Variants in FBXL16 observed in about 807,000 individuals in gnomAD.
FBXL16 encodes F-box/LRR-repeat protein 16.
FBXL16 carries 7 observed loss-of-function variants against 36.7 expected under a neutral mutation model. That is an observed-to-expected ratio of 0.19 (90% confidence interval 0.11 to 0.36). The LOEUF is 0.36. FBXL16 is among the 10% of genes least tolerant of loss of function. The probability of loss-of-function intolerance (pLI) is 1.00; values close to 1 mark genes in which losing one functional copy is unlikely to be tolerated. For synonymous variants in FBXL16, 355 were observed against 308.7 expected, an observed-to-expected ratio of 1.15 and a Z score of -1.57; for missense variants, 463 against 659.4, an observed-to-expected ratio of 0.70 and a Z score of 3.26.
chr16:694,666 G>C lies in FBXL16; in HGVS notation c.1259C>G (p.Ala420Gly), dbSNP rs1201039382. Residue 420 changes from alanine to glycine, a missense_variant, in exon 5 of 6, where the codon GCC (alanine) becomes GGC (glycine). Ala to Gly is a moderately conservative substitution (Grantham distance 60, BLOSUM62 0). This residue lies in a region of FBXL16 where 134 missense variants were observed against 172.0 expected (regional missense o/e 0.78). Coordinates refer to ENST00000397621, the MANE Select transcript of FBXL16 (RefSeq NM_153350.4). ...VQDFGLKHLL[A>G]LGSLRLLSLA... ...AGACAGGAGGCGCAAACTCCCCAGG[G>C]CCAGGAGGTGCTTCAGCCCGAAGTC... The C allele has an allele frequency of 6.2e-7, 1 of 1,609,796 alleles. No individual in the cohort carries two copies. The highest frequency in any genetic ancestry group is 1.7e-5 in the Admixed American group (1 of 59,626).
chr16:705,172 C>T (rs2040082830), intron 1 of FBXL16, among the ~76,000 whole-genome samples: 1 of 152,200 alleles, frequency 6.6e-6, no homozygotes, highest in African/African-American at 2.4e-5. Flanking sequence ...CCGGGGGCGC[C>T]CTCTGAGCCG....
In FBXL16 at chr16:695,734, G is replaced by T; in HGVS notation, c.823C>A (p.Leu275Met). Residue 275 changes from leucine to methionine, a missense_variant, in exon 3 of 6, where the codon CTG becomes ATG. By Grantham distance (15) the Leu-to-Met change is conservative. Around this residue, in one of 3 missense-constraint regions of FBXL16, gnomAD observed 66 missense variants for 146.3 expected, o/e 0.45. Coordinates refer to ENST00000397621, the MANE Select transcript of FBXL16 (RefSeq NM_153350.4). ...GTGTCCGTCACGTGGTAGGCCTGCA[G>T]GCTCAGCTCCGCCAGGTTGGGCAGC... The part of the protein sequence containing the change: ...QLLPNLAELS[L>M]QAYHVTDTAL... 1 of 1,603,268 alleles carries T rather than the reference G, an allele frequency of 6.2e-7. No individual in the cohort carries two copies.
intron 1 of FBXL16, among the ~76,000 whole-genome samples, chr16:702,348 C>T (rs566563483): frequency 3.2e-4 from 49 of 152,276 alleles, no homozygotes; most frequent in African/African-American, 1.0e-3. Flanking sequence ...GGTGCGAGGT[C>T]GCCCCTGCCT....
In FBXL16 at chr16:697,126, G is replaced by T. The variant is rs563131988; in HGVS notation, c.280C>A (p.Pro94Thr). Residue 94 changes from proline (P) to threonine (T), a missense_variant, in exon 2 of 6, where the codon CCG becomes ACG. Around this residue, in one of 3 missense-constraint regions of FBXL16, gnomAD observed 263 missense variants for 341.1 expected, o/e 0.77. Transcript: ENST00000397621. The surrounding 1 kb of genome is among the most constrained non-coding windows in gnomAD (Gnocchi z 4.6). The part of the protein sequence containing the change: ...LAPGHPAERP[P>T]LATDEKILNG... ...AGGATCTTCTCGTCCGTGGCCAGCG[G>T]CGGCCGCTCCGCTGGGTGCCCAGGT... 8.1e-6 allele frequency: 13 copies of T among 1,605,450 alleles called. No homozygotes were observed. In the South Asian group the frequency reaches 1.3e-4, roughly 16 times the overall value.
In FBXL16 at chr16:695,470, C is replaced by T. The variant is rs1276501707; in HGVS notation, c.1087G>A (p.Ala363Thr). 1.3e-6 allele frequency: 2 copies of T among 1,576,302 alleles called. No homozygotes were observed. The highest frequency in any genetic ancestry group is 1.7e-6 in the Non-Finnish European group (2 of 1,168,352). ...AGGTCGCAGGCCACGTACTCCAGCG[C>T]CATGTCGGTGATGCGTGGGCACCAC... ...LSWCPRITDMALEYVACDLHR... is the reference protein window; with the variant it reads ...LSWCPRITDMTLEYVACDLHR... Residue 363 changes from alanine to threonine, a missense_variant, in exon 3 of 6, where the codon GCG becomes ACG. Ala to Thr is a moderately conservative substitution (Grantham distance 58, BLOSUM62 0). This residue lies in a region of FBXL16 where 134 missense variants were observed against 172.0 expected (regional missense o/e 0.78). Coordinates refer to ENST00000397621, the MANE Select transcript of FBXL16 (RefSeq NM_153350.4).
chr16:694,422 G>C lies in FBXL16; in HGVS notation c.1293C>G (p.Gly431=), dbSNP rs778633356. Reference sequence around the variant, plus strand: ...GCCCGGTGGTGGTGAGCAGCGGGCAGCCTGCGGCGGGGTCAGAGGGCGGCT... The same window carrying C: ...GCCCGGTGGTGGTGAGCAGCGGGCACCCTGCGGCGGGGTCAGAGGGCGGCT... ...LGSLRLLSLA[G]CPLLTTTGLS... Residue 431 remains glycine, a splice_region_variant and synonymous_variant, in exon 6 of 6, where the codon GGC becomes GGG. Coordinates refer to ENST00000397621, the MANE Select transcript of FBXL16 (RefSeq NM_153350.4). The C allele has an allele frequency of 8.4e-6, 13 of 1,546,224 alleles. No homozygotes were observed. The highest frequency in any genetic ancestry group is 1.1e-5 in the Non-Finnish European group (13 of 1,154,886).
intron 1 of FBXL16, among the ~76,000 whole-genome samples, chr16:702,370 AC>A (rs1024457590): frequency 2.7e-5 from 4 of 150,772 alleles, no homozygotes; most frequent in African/African-American, 9.8e-5. Context: ...CTGCTCCGGG[AC>A]CCCCAGCTCT....
chr16:697,999 C>CA lies in FBXL16; in HGVS notation c.-14-581dup, dbSNP rs75619896. ...TGGGCAACTGAGCAAGACTCTGTCT[C>CA]AAAAAAAAAAAAAAGAAACAGTTTC... On this transcript the variant is annotated intron_variant, in intron 1 of 5. Transcript: ENST00000397621. The surrounding 1 kb of genome is among the most constrained non-coding windows in gnomAD (Gnocchi z 4.6). Among the ~76,000 whole-genome samples, 2,546 of 133,258 alleles carry CA rather than the reference C, an allele frequency of 0.019. 50 individuals carry two copies. Among genetic ancestry groups the CA allele is most frequent in the African/African-American group, 0.046 (1,672 of 36,596 alleles). 87.4% of individuals were successfully genotyped at this position (133,258 alleles called of 152,430 possible).
At chr16:705,260 G>A (rs999932935) in intron 1 of FBXL16, among the ~76,000 whole-genome samples, 2 of 152,154 alleles carry the variant, frequency 1.3e-5, no homozygotes, top group African/African-American at 4.8e-5. Flanking sequence ...CCCCAGCCCC[G>A]GCCGAGTGGC....
chr16:694,957 C>G (rs1447405276), intron 4 of FBXL16, 35 bp downstream of exon 4: 1 of 1,510,026 alleles, frequency 6.6e-7, no homozygotes, highest in African/African-American at 1.4e-5. Context: ...CACCTCCCCG[C>G]CGATCCCCCA....
At position 697,948 on chromosome 16, in the gene FBXL16, C is replaced by G. The variant is rs971848202; in HGVS notation, c.-14-529G>C. On this transcript the variant is annotated intron_variant, in intron 1 of 5. Transcript: ENST00000397621. This position sits in a 1 kb window ranked among gnomAD's most constrained non-coding sequence, Gnocchi z 4.6. ...CCGGGAGGCGGAGCTTGCAGTGAGC[C>G]GAGATTGCGCCACTGCACTCCAGCC... 2.0e-5 allele frequency among the ~76,000 whole-genome samples: 3 copies of G among 151,350 alleles called. No homozygotes were observed. The highest frequency in any genetic ancestry group is 4.4e-5 in the Non-Finnish European group (3 of 67,878).
chr16:703,531 C>G (rs1255867286), intron 1 of FBXL16, among the ~76,000 whole-genome samples: 4 of 152,214 alleles, frequency 2.6e-5, no homozygotes, highest in Admixed American at 2.6e-4. Flanking sequence ...GCCCCAGAGC[C>G]TGGCTGACAG....
Position 697,028 on chromosome 16 carries a change from G to T in FBXL16, c.378C>A (p.Arg126=), listed in dbSNP as rs376450820. The T allele has an allele frequency of 6.3e-7, 1 of 1,597,442 alleles. No homozygotes were observed. The highest frequency in any genetic ancestry group is 1.1e-5 in the South Asian group (1 of 88,806). The change falls in exon 2 of 6, where the codon CGC becomes CGA. Residue 126 remains arginine (R), a synonymous_variant. Transcript: ENST00000397621. This position sits in a 1 kb window ranked among gnomAD's most constrained non-coding sequence, Gnocchi z 4.6. ...VLAQVCKAWR[R]VLYQPKFWAG... is the part of the protein sequence containing the mutation. ...CCCAGAACTTGGGCTGGTACAGCAC[G>T]CGCCGCCAGGCCTTGCACACCTGGG...
Position 695,018 on chromosome 16 carries a change from T to C in FBXL16, c.1201A>G (p.Ser401Gly). ...SYLSTMSSLRSLYLRWCCQVQ... is the reference protein window; with the variant it reads ...SYLSTMSSLRGLYLRWCCQVQ... ...TGGCAGCACCATCGCAGGTAGAGGC[T>C]GCGGAGGGACGACATGGTGGACAGA... Residue 401 changes from serine (S) to glycine (G), a missense_variant, in exon 4 of 6, where the codon AGC becomes GGC. Ser to Gly is a moderately conservative substitution (Grantham distance 56). Around this residue, in one of 3 missense-constraint regions of FBXL16, gnomAD observed 134 missense variants for 172.0 expected, o/e 0.78. Coordinates refer to ENST00000397621, the MANE Select transcript of FBXL16 (RefSeq NM_153350.4). The C allele has an allele frequency of 1.3e-6, 2 of 1,566,090 alleles. No homozygotes were observed. Among genetic ancestry groups the C allele is most frequent in the Non-Finnish European group, 1.7e-6 (2 of 1,150,836 alleles).
At chr16:694,461 C>T (rs1428008150) in intron 5 of FBXL16, 38 bp from the exon 6 acceptor site, 1 of 1,529,242 alleles carries the variant, frequency 6.5e-7, no homozygotes, top group Non-Finnish European at 8.8e-7. Flanking sequence ...TGCGCGCGGC[C>T]CAGGGCTCGG....
Position 693,975 on chromosome 16 carries a change from GGCTGT to G in FBXL16, c.*295_*299del, listed in dbSNP as rs1250385341. The G allele has an allele frequency of 2.9e-5, 4 of 137,200 alleles. No homozygotes were observed. Among genetic ancestry groups the G allele is most frequent in the Non-Finnish European group, 5.0e-5 (4 of 80,454 alleles). 8.5% of individuals were successfully genotyped at this position (137,200 alleles called of 1,614,324 possible). On this transcript the variant is annotated 3_prime_UTR_variant, in exon 6 of 6. Transcript: ENST00000397621. ...GCGAGCGAGTGATGGCGGCGGCTGT[GGCTGT>G]GGCGTGGCGGAGGGCGGCGTGCAGT...
In FBXL16 at chr16:694,522, CTG is replaced by C. The variant is rs890144850; in HGVS notation, c.1292-101_1292-100del. ...CTCCTCCTCCGCCTCGGACCCGGGA[CTG>C]TGTGTCCGCGCCGGGTGTGAGTTTG... On this transcript the variant is annotated intron_variant, in intron 5 of 5. Coordinates refer to ENST00000397621, the MANE Select transcript of FBXL16 (RefSeq NM_153350.4). 2.1e-5 allele frequency: 31 copies of C among 1,511,566 alleles called. No homozygotes were observed. The East Asian group carries it at 4.5e-4, about 22-fold the overall frequency. The allele number at this position is 1,511,566 out of a possible 1,614,324, so 93.6% of individuals were successfully genotyped here. A position where few individuals can be genotyped will look rare whatever the true frequency, so the allele number is the denominator to read the frequency against.
At chr16:696,134 G>A (rs1258364427) in intron 2 of FBXL16, 2 of 635,826 alleles carry the variant, frequency 3.1e-6, no homozygotes, top group Non-Finnish European at 5.0e-6. Context: ...TCCAGACCCG[G>A]CTGCCAGGCG....
rs529096481 is a variant in FBXL16 at position 695,316 on chromosome 16, C to G, written c.1142+99G>C. On this transcript the variant is annotated intron_variant, in intron 3 of 5. Transcript: ENST00000397621. ...CGCCGCGCCACAGCCCCAGCCCCGC[C>G]GGAAGCCCCCGCCCCCGGCCCCGTG... 1.0e-3 allele frequency: 1,142 copies of G among 1,087,624 alleles called. 14 individuals are homozygous for G. The African/African-American group carries it at 0.018, about 17-fold the overall frequency. The allele number at this position is 1,087,624 out of a possible 1,614,324, so 67.4% of individuals were successfully genotyped here. A position where few individuals can be genotyped will look rare whatever the true frequency, so the allele number is the denominator to read the frequency against.
Sources: gnomAD v4.1 joint callset for allele counts (sites outside exome capture counted in the v4.1 genomes callset) on GRCh38, gnomAD v4.1.1 for gene constraint, gnomAD v4.1.1 regional missense constraint, Gnocchi (gnomAD v3.1) non-coding constraint, MANE v1.5 for transcripts, NCBI Gene and HGNC (gene_info 2026-07-23, HGNC 2026-07-21) for gene names.